Variants in ALG6 observed in about 807,000 individuals in gnomAD.
The protein encoded by ALG6 is ALG6 alpha-1,3-glucosyltransferase, also known as dolichyl pyrophosphate Man9GlcNAc2 alpha-1,3-glucosyltransferase.
Under a neutral mutation model 66.6 loss-of-function variants are expected in ALG6, and 46 were observed. The observed-to-expected ratio is 0.69, with a 90% CI of 0.55 to 0.88. ALG6 has a LOEUF of 0.88. Ranked by LOEUF, ALG6 falls within the 40% of genes least tolerant of loss-of-function variation. ALG6 has a pLI of 0.00. For synonymous variants in ALG6, 185 were observed against 203.7 expected (o/e 0.91, Z 0.78); for missense variants, 505 against 586.8 (o/e 0.86, Z 1.44).
chr1:63,436,639 G>A (rs1440832193), intron 14 of ALG6, among the ~76,000 whole-genome samples, 184 bp from the exon 15 acceptor site: 1 of 152,080 alleles, frequency 6.6e-6, no homozygotes, highest in Non-Finnish European at 1.5e-5. Context: ...TGTGATGTGG[G>A]CATTGAGATT....
In ALG6 at chr1:63,433,714, T is replaced by C. The variant is rs374797957; in HGVS notation, c.1327-3109T>C. On this transcript the variant is annotated intron_variant, in intron 14 of 14. Coordinates refer to ENST00000263440, the MANE Select transcript of ALG6 (RefSeq NM_013339.4). This position sits in a 1 kb window ranked among gnomAD's most constrained non-coding sequence, Gnocchi z 4.2. The stretch of plus-strand genomic sequence containing the variant: ...TCTTTAATAGTTTTTGAGCACTTAC[T>C]ATATGCAAGCATTGTTCTGGAGGCT... Among the ~76,000 whole-genome samples, 344 of 152,334 alleles carry C rather than the reference T, an allele frequency of 2.3e-3. No individual in the cohort carries two copies. Among genetic ancestry groups the C allele is most frequent in the African/African-American group, 8.0e-3 (332 of 41,570 alleles).
intron 2 of ALG6, among the ~76,000 whole-genome samples, chr1:63,393,306 T>C (rs1423140509): frequency 6.6e-6 from 1 of 152,224 alleles, no homozygotes; most frequent in Non-Finnish European, 1.5e-5. Context: ...TTTATTATTG[T>C]AGGTTATTCT....
rs972681796 is a variant in ALG6 at position 63,433,188 on chromosome 1, G to A, written c.1327-3635G>A. On this transcript the variant is annotated intron_variant, in intron 14 of 14. Transcript: ENST00000263440. The surrounding 1 kb of genome is among the most constrained non-coding windows in gnomAD (Gnocchi z 4.2). ...GAACTCCTGACCTCGTGATCCACCC[G>A]CCTCAGCCTCCCAAAGTGCTGGGAT... is the stretch of plus-strand genomic sequence containing the variant. 1.3e-5 allele frequency among the ~76,000 whole-genome samples: 2 copies of A among 152,140 alleles called. No individual in the cohort carries two copies. Among genetic ancestry groups the A allele is most frequent in the South Asian group, 2.1e-4 (1 of 4,818 alleles).
chr1:63,367,971 C>T (rs1647780308), intron 1 of ALG6, among the ~76,000 whole-genome samples: 1 of 152,132 alleles, frequency 6.6e-6, no homozygotes, highest in African/African-American at 2.4e-5. Flanking sequence ...GGCGGAGAAA[C>T]GCGAGAAGGG....
chr1:63,404,385 T>C, intron 4 of ALG6, 68 bp from the exon 5 acceptor site: 1 of 1,227,100 alleles, frequency 8.1e-7, no homozygotes, highest in Non-Finnish European at 1.2e-6. Context: ...CATTCATATA[T>C]CCTTCAATAT....
At chr1:63,425,057 G>T (rs1644608120) in intron 12 of ALG6, among the ~76,000 whole-genome samples, 2 of 152,204 alleles carry the variant, frequency 1.3e-5, no homozygotes, top group African/African-American at 2.4e-5. Context: ...TGGGATTACA[G>T]GCGTGAGCCA....
At chr1:63,431,519 C>T (rs960942988) in intron 14 of ALG6, among the ~76,000 whole-genome samples, 3 of 152,138 alleles carry the variant, frequency 2.0e-5, no homozygotes, top group African/African-American at 7.2e-5. Context: ...CAGGCTCAAG[C>T]AGTCTTCCCA....
At chr1:63,391,617 G>C (rs556512292) in intron 2 of ALG6, among the ~76,000 whole-genome samples, 1 of 152,290 alleles carries the variant, frequency 6.6e-6, no homozygotes, top group East Asian at 1.9e-4. Context: ...CAAGGTGCCA[G>C]ATTTTGAAGT....
chr1:63,379,943 T>C (rs1648251018), intron 2 of ALG6, among the ~76,000 whole-genome samples: 1 of 151,898 alleles, frequency 6.6e-6, no homozygotes, highest in Non-Finnish European at 1.5e-5. Context: ...AGAGGGTTAA[T>C]AGACATGATG....
At chr1:63,422,136 T>A (rs868102554) in intron 12 of ALG6, among the ~76,000 whole-genome samples, 1 of 55,592 alleles carries the variant, frequency 1.8e-5, no homozygotes, top group Non-Finnish European at 3.1e-5. Flanking sequence ...AATAAATATA[T>A]AAATATATAT....
rs558879118 is a variant in ALG6, at chr1:63,433,468, T to C, written c.1327-3355T>C. Among the ~76,000 whole-genome samples, 34 of 152,126 alleles carry C rather than the reference T, an allele frequency of 2.2e-4. No homozygotes were observed. Among genetic ancestry groups the C allele is most frequent in the African/African-American group, 6.3e-4 (26 of 41,510 alleles). ...CACTTTAGGTAATGACCATGGAGGATAGTGGTGTGGGAGGTAGGAAGTTAA... is the reference window on the plus strand; with the variant it reads ...CACTTTAGGTAATGACCATGGAGGACAGTGGTGTGGGAGGTAGGAAGTTAA... On this transcript the variant is annotated intron_variant, in intron 14 of 14. Transcript: ENST00000263440. The surrounding 1 kb of genome is among the most constrained non-coding windows in gnomAD (Gnocchi z 4.2).
At chr1:63,373,163 C>T (rs565035405) in intron 2 of ALG6, among the ~76,000 whole-genome samples, 131 of 151,624 alleles carry the variant, frequency 8.6e-4, no homozygotes, top group South Asian at 8.1e-3. Flanking sequence ...TGCACCACGA[C>T]GCCTGGCTAA....
At chr1:63,394,508 C>T (rs1437307678) in intron 2 of ALG6, among the ~76,000 whole-genome samples, 3 of 151,978 alleles carry the variant, frequency 2.0e-5, no homozygotes, top group African/African-American at 7.2e-5. Context: ...GTAGCTGGGA[C>T]TGCAGATGCC....
At chr1:63,436,008 T>C (rs1193937687) in intron 14 of ALG6, among the ~76,000 whole-genome samples, 2 of 152,184 alleles carry the variant, frequency 1.3e-5, no homozygotes, top group East Asian at 1.9e-4. Context: ...CCTCAGTAGA[T>C]GGAAAACTCT....
rs752481892 is a variant in ALG6, at chr1:63,433,903, G to A, written c.1327-2920G>A. ...AAGGGAGAAATCGATATGATATGCA[G>A]GAGGGATGAATGCAATTTTAAAGTG... is the stretch of plus-strand genomic sequence containing the variant. On this transcript the variant is annotated intron_variant, in intron 14 of 14. Transcript: ENST00000263440. The surrounding 1 kb of genome is among the most constrained non-coding windows in gnomAD (Gnocchi z 4.2). 7.9e-5 allele frequency among the ~76,000 whole-genome samples: 12 copies of A among 152,178 alleles called. No individual in the cohort carries two copies. Among genetic ancestry groups the A allele is most frequent in the Non-Finnish European group, 1.6e-4 (11 of 68,036 alleles).
chr1:63,432,718 T>C (rs1409174504), intron 14 of ALG6, among the ~76,000 whole-genome samples: 1 of 152,210 alleles, frequency 6.6e-6, no homozygotes, highest in East Asian at 1.9e-4. Context: ...AAATGATACA[T>C]GAATAAGTAT....
intron 2 of ALG6, among the ~76,000 whole-genome samples, chr1:63,383,933 G>C (rs1648416466): frequency 6.6e-6 from 1 of 152,132 alleles, no homozygotes; most frequent in Non-Finnish European, 1.5e-5. Flanking sequence ...TTGTCTTTCT[G>C]TGCCTGGCTT....
At chr1:63,395,338 C>G (rs1230761410) in intron 2 of ALG6, among the ~76,000 whole-genome samples, 1 of 152,274 alleles carries the variant, frequency 6.6e-6, no homozygotes, top group East Asian at 1.9e-4. Flanking sequence ...TAATTAATGT[C>G]TTTTTAACAT....
chr1:63,412,280 G>A (rs747518235), intron 9 of ALG6, among the ~76,000 whole-genome samples: 1 of 152,032 alleles, frequency 6.6e-6, no homozygotes, highest in Non-Finnish European at 1.5e-5. Context: ...TAATCATGGT[G>A]CACTACAGCC....
Sources: allele counts gnomAD v4.1 joint callset (sites outside exome capture counted in the v4.1 genomes callset), GRCh38; gene constraint gnomAD v4.1.1; non-coding constraint Gnocchi (gnomAD v3.1); transcripts MANE v1.5; gene names NCBI Gene and HGNC (gene_info 2026-07-23, HGNC 2026-07-21).